Variants in ADAMTSL1 observed in about 807,000 individuals in gnomAD.
ADAMTSL1 encodes the protein ADAMTS like 1, also known as ADAMTS-like protein 1.
Under a neutral mutation model 201.8 loss-of-function variants are expected in ADAMTSL1, and 126 were observed. That is an observed-to-expected ratio of 0.62 (90% CI 0.54 to 0.72). The LOEUF (loss-of-function observed/expected upper bound fraction) is 0.72, where lower values mean the gene tolerates loss of function less well. ADAMTSL1 is among the 30% of genes least tolerant of loss of function. The pLI is 0.00. For synonymous variants in ADAMTSL1, 1,121 were observed against 903.4 expected (o/e 1.24, Z -4.32); for missense variants, 2,679 against 2,277.8 (o/e 1.18, Z -3.59).
At chr9:18,718,346 C>T (rs1282623886) in intron 14 of ADAMTSL1, 7 of 742,782 alleles carry the variant, frequency 9.4e-6, no homozygotes, top group East Asian at 2.7e-5. Flanking sequence ...TACATTGTTC[C>T]GTTCCTGCAG....
At chr9:18,646,978 T>C (rs1376248039) in intron 7 of ADAMTSL1, among the ~76,000 whole-genome samples, 1 of 152,304 alleles carries the variant, frequency 6.6e-6, no homozygotes, top group Non-Finnish European at 1.5e-5. Flanking sequence ...CAGTTCCTCC[T>C]TGTACCTCTG....
intron 2 of ADAMTSL1, among the ~76,000 whole-genome samples, chr9:18,412,152 T>G (rs1455284132): frequency 6.6e-6 from 1 of 152,240 alleles, no homozygotes; most frequent in East Asian, 1.9e-4. Context: ...GTCCCCACTT[T>G]TCCTGTTAAC....
chr9:18,169,175 G>C (rs182250243), intron 2 of ADAMTSL1, among the ~76,000 whole-genome samples: 1 of 151,636 alleles, frequency 6.6e-6, no homozygotes, highest in East Asian at 1.9e-4. Context: ...ATTGCTTTTG[G>C]TGTTTTAGGT....
chr9:18,759,773 C>A (rs938584531), intron 16 of ADAMTSL1, among the ~76,000 whole-genome samples: 1 of 152,118 alleles, frequency 6.6e-6, no homozygotes, highest in African/African-American at 2.4e-5. Context: ...GAATGTAAAA[C>A]CTTGAAGGTA....
At chr9:18,263,227 G>A (rs1831990069) in intron 2 of ADAMTSL1, among the ~76,000 whole-genome samples, 1 of 152,188 alleles carries the variant, frequency 6.6e-6, no homozygotes, top group African/African-American at 2.4e-5. Context: ...GGGGAGCAAT[G>A]ATGTATTTAG....
chr9:18,254,352 T>TTTG (rs1831587695), intron 2 of ADAMTSL1, among the ~76,000 whole-genome samples: 1 of 72,224 alleles, frequency 1.4e-5, no homozygotes. Context: ...TTGGTTTTTT[T>TTTG]TTTTTTTTTT....
intron 14 of ADAMTSL1, among the ~76,000 whole-genome samples, chr9:18,714,444 A>G (rs1044186355): frequency 6.6e-6 from 1 of 152,220 alleles, no homozygotes; most frequent in Non-Finnish European, 1.5e-5. Flanking sequence ...AATACAAAGT[A>G]CCATCAGAGA....
chr9:18,511,372 GC>G (rs1818014063), intron 2 of ADAMTSL1, among the ~76,000 whole-genome samples: 1 of 151,292 alleles, frequency 6.6e-6, no homozygotes, highest in African/African-American at 2.4e-5. Context: ...TATCCAAATA[GC>G]AAAAAATGAT....
chr9:18,139,493 T>C (rs1006117088), intron 1 of ADAMTSL1, among the ~76,000 whole-genome samples: 4 of 152,130 alleles, frequency 2.6e-5, no homozygotes, highest in Admixed American at 6.5e-5. Context: ...CACCTTCTGT[T>C]AACCATCCTA....
At chr9:18,221,789 C>A (rs1213642148) in intron 2 of ADAMTSL1, among the ~76,000 whole-genome samples, 2 of 151,760 alleles carry the variant, frequency 1.3e-5, no homozygotes, top group African/African-American at 4.8e-5. Flanking sequence ...TATATAAGTC[C>A]CTTAGATTAA....
intron 2 of ADAMTSL1, among the ~76,000 whole-genome samples, chr9:18,298,231 C>T (rs939493555): frequency 6.6e-6 from 1 of 152,132 alleles, no homozygotes; most frequent in Non-Finnish European, 1.5e-5. Context: ...CAATTATTTA[C>T]ACACAGGAAA....
At chr9:18,025,303 G>A (rs764779411) in intron 1 of ADAMTSL1, among the ~76,000 whole-genome samples, 6 of 152,032 alleles carry the variant, frequency 3.9e-5, no homozygotes, top group Admixed American at 3.9e-4. Context: ...ATTTGCTTTT[G>A]AGGACTTAGT....
chr9:18,532,237 C>T (rs1819487394), intron 2 of ADAMTSL1, among the ~76,000 whole-genome samples: 1 of 152,082 alleles, frequency 6.6e-6, no homozygotes, highest in Non-Finnish European at 1.5e-5. Flanking sequence ...AAAATGGAAA[C>T]TCTCATGTAT....
chr9:18,552,030 A>C (rs1820826923), intron 3 of ADAMTSL1, among the ~76,000 whole-genome samples: 1 of 151,858 alleles, frequency 6.6e-6, no homozygotes, highest in South Asian at 2.1e-4. Flanking sequence ...GAAATTTGTC[A>C]GAATTTATTT....
chr9:18,847,626 G>A (rs1308795464), intron 23 of ADAMTSL1, among the ~76,000 whole-genome samples: 1 of 147,458 alleles, frequency 6.8e-6, no homozygotes, highest in East Asian at 1.9e-4. Flanking sequence ...AGACATGAAT[G>A]TGTGCTCTTG....
chr9:18,084,993 G>C (rs1823679259), intron 1 of ADAMTSL1, among the ~76,000 whole-genome samples: 1 of 152,122 alleles, frequency 6.6e-6, no homozygotes, highest in African/African-American at 2.4e-5. Context: ...TCTGACATTT[G>C]AGCAAACCAT....
intron 2 of ADAMTSL1, among the ~76,000 whole-genome samples, chr9:18,245,597 G>A: frequency 6.6e-6 from 1 of 152,092 alleles, no homozygotes; most frequent in East Asian, 1.9e-4. Context: ...TGTCCCAGTT[G>A]AGAAGTCAGG....
At chr9:18,903,817 C>G (rs1320856213) in intron 26 of ADAMTSL1, among the ~76,000 whole-genome samples, 2 of 150,886 alleles carry the variant, frequency 1.3e-5, no homozygotes, top group Non-Finnish European at 2.9e-5. Context: ...TGGCCCTCCA[C>G]ATACATGGGT....
At chr9:18,518,330 C>A (rs1326781981) in intron 2 of ADAMTSL1, among the ~76,000 whole-genome samples, 1 of 151,932 alleles carries the variant, frequency 6.6e-6, no homozygotes, top group Admixed American at 6.6e-5. Context: ...GTCCCCAGTG[C>A]CAAATATTTC....
Sources: gnomAD v4.1 joint callset for allele counts (sites outside exome capture counted in the v4.1 genomes callset) on GRCh38, gnomAD v4.1.1 for gene constraint, MANE v1.5 for transcripts, NCBI Gene and HGNC (gene_info 2026-07-23, HGNC 2026-07-21) for gene names.